TENM4: variants seen among roughly 807,000 people sequenced by gnomAD.
The protein encoded by TENM4 is teneurin-4.
Under a neutral mutation model 243.3 loss-of-function variants are expected in TENM4, and 82 were observed. That is an observed-to-expected ratio of 0.34 (90% CI 0.28 to 0.40). The LOEUF is 0.40. TENM4 is among the 10% of genes least tolerant of loss of function. The pLI is 1.00. For missense variants in TENM4, 3,138 were observed against 3,673.3 expected, an observed-to-expected ratio of 0.85 and a Z score of 3.77; for synonymous variants, 1,412 against 1,456.3, an observed-to-expected ratio of 0.97 and a Z score of 0.69.
At chr11:78,996,343 G>C (rs886575346) in intron 6 of TENM4, among the ~76,000 whole-genome samples, 1 of 152,130 alleles carries the variant, frequency 6.6e-6, no homozygotes, top group Admixed American at 6.5e-5. Flanking sequence ...ACCACATGGA[G>C]AGACAGCGGT....
intron 3 of TENM4, among the ~76,000 whole-genome samples, chr11:79,163,011 C>T (rs1193705309): frequency 6.6e-6 from 1 of 152,214 alleles, no homozygotes; most frequent in East Asian, 1.9e-4. Flanking sequence ...CATGCATAAA[C>T]ATGGTCCTTC....
intron 9 of TENM4, among the ~76,000 whole-genome samples, chr11:78,869,258 A>C (rs183451274): frequency 6.6e-6 from 1 of 152,380 alleles, no homozygotes; most frequent in Non-Finnish European, 1.5e-5. Context: ...ACAGCGATGC[A>C]GGAAAATGCT....
chr11:79,215,706 A>G, intron 3 of TENM4, 102 bp downstream of exon 3: 6 of 967,760 alleles, frequency 6.2e-6, no homozygotes, highest in South Asian at 4.8e-5. Context: ...AAAGCCTCCA[A>G]CCAAAAAACA....
chr11:79,311,024 G>A lies in TENM4; in HGVS notation c.-320-13481C>T, dbSNP rs571934086. On this transcript the variant is annotated intron_variant, in intron 1 of 33. Transcript: ENST00000278550. ...GACTGCTTGGAGATGAAAGTCTTCA[G>A]GTTAATTCATTCCTTCATCAGCCTA... Among the ~76,000 whole-genome samples the A allele has an allele frequency of 1.5e-3, 236 of 152,294 alleles. 1 individual carries two copies. The highest frequency in any genetic ancestry group is 1.9e-3 in the South Asian group (9 of 4,820).
chr11:79,021,074 A>T (rs1051806041), intron 6 of TENM4, among the ~76,000 whole-genome samples: 1 of 152,116 alleles, frequency 6.6e-6, no homozygotes, highest in Non-Finnish European at 1.5e-5. Context: ...TACAATAGAC[A>T]CTCAACAAAT....
At chr11:78,902,899 T>C (rs564112326) in intron 7 of TENM4, among the ~76,000 whole-genome samples, 24 of 151,708 alleles carry the variant, frequency 1.6e-4, no homozygotes, top group African/African-American at 4.8e-4. Flanking sequence ...GAGCCTGCTG[T>C]TGGTCACACA....
chr11:79,388,020 A>C (rs1264794576), intron 1 of TENM4, among the ~76,000 whole-genome samples: 6 of 152,226 alleles, frequency 3.9e-5, no homozygotes, highest in Admixed American at 6.5e-5. Flanking sequence ...AAAGAAACTC[A>C]AAACTTGAAT....
intron 4 of TENM4, among the ~76,000 whole-genome samples, chr11:79,140,654 C>A (rs927192780): frequency 6.6e-6 from 1 of 152,128 alleles, no homozygotes; most frequent in African/African-American, 2.4e-5. Flanking sequence ...CAGAAGAAGT[C>A]TGCTTAATGG....
chr11:79,042,206 G>A (rs1859550899), intron 6 of TENM4, among the ~76,000 whole-genome samples: 2 of 152,122 alleles, frequency 1.3e-5, no homozygotes, highest in South Asian at 2.1e-4. Flanking sequence ...AAGACACCTG[G>A]ATTTAGAGGT....
chr11:78,662,198 T>C (rs537840002), intron 32 of TENM4, among the ~76,000 whole-genome samples: 23 of 151,450 alleles, frequency 1.5e-4, no homozygotes, highest in South Asian at 6.3e-4. Flanking sequence ...TTCTTTCTTT[T>C]TTTTTTTTTT....
chr11:79,421,403 T>G (rs1210659823), intron 1 of TENM4, among the ~76,000 whole-genome samples: 2 of 152,246 alleles, frequency 1.3e-5, no homozygotes, highest in African/African-American at 4.8e-5. Flanking sequence ...TCGCTTGATA[T>G]AGTCATAAAG....
At chr11:79,085,376 C>A (rs1267872331) in intron 4 of TENM4, among the ~76,000 whole-genome samples, 28 of 79,056 alleles carry the variant, frequency 3.5e-4, no homozygotes, top group Middle Eastern at 9.1e-3. Context: ...GACTCTGTCT[C>A]AAAAAAAAAA....
At chr11:79,382,809 T>C (rs1483169614) in intron 1 of TENM4, among the ~76,000 whole-genome samples, 1 of 152,084 alleles carries the variant, frequency 6.6e-6, no homozygotes, top group Non-Finnish European at 1.5e-5. Flanking sequence ...ATGGGGAGAA[T>C]CCTTGGAAGA....
At chr11:79,283,533 C>A (rs961719805) in intron 2 of TENM4, among the ~76,000 whole-genome samples, 1 of 151,964 alleles carries the variant, frequency 6.6e-6, no homozygotes. Context: ...GACAAAAAAA[C>A]CCAACAAACT....
chr11:78,785,893 G>A (rs1233147100), intron 16 of TENM4, among the ~76,000 whole-genome samples: 40 of 151,978 alleles, frequency 2.6e-4, no homozygotes, highest in Admixed American at 2.6e-3. Context: ...GACCCAAGAG[G>A]TCACTTTCTA....
chr11:78,994,573 A>T (rs1237164948), intron 6 of TENM4, among the ~76,000 whole-genome samples: 1 of 152,232 alleles, frequency 6.6e-6, no homozygotes, highest in Non-Finnish European at 1.5e-5. Context: ...TTTATCTAAA[A>T]TCAGAAAATA....
At chr11:79,077,812 A>C (rs1179844865) in intron 4 of TENM4, among the ~76,000 whole-genome samples, 1 of 152,240 alleles carries the variant, frequency 6.6e-6, no homozygotes, top group African/African-American at 2.4e-5. Context: ...GTGGACAGTA[A>C]AATGCAAAAT....
At chr11:79,238,385 G>C (rs942031874) in intron 2 of TENM4, among the ~76,000 whole-genome samples, 1 of 152,172 alleles carries the variant, frequency 6.6e-6, no homozygotes, top group African/African-American at 2.4e-5. Context: ...GCAGCACTCC[G>C]ATCCCTTGAG....
At chr11:78,899,875 G>C (rs1855889931) in intron 7 of TENM4, among the ~76,000 whole-genome samples, 2 of 152,158 alleles carry the variant, frequency 1.3e-5, no homozygotes, top group African/African-American at 4.8e-5. Context: ...TTCTTGTAAA[G>C]TCTGCAGAAC....
Sources: allele counts gnomAD v4.1 joint callset (sites outside exome capture counted in the v4.1 genomes callset), GRCh38; gene constraint gnomAD v4.1.1; transcripts MANE v1.5; gene names NCBI Gene and HGNC (gene_info 2026-07-23, HGNC 2026-07-21).